Variants in ADAMTS3 observed in about 807,000 individuals in gnomAD.
ADAMTS3 encodes the protein ADAM metallopeptidase with thrombospondin type 1 motif 3.
A neutral mutation model predicts 129.0 loss-of-function variants in ADAMTS3; 73 were observed. The observed-to-expected ratio is 0.57, with a 90% confidence interval of 0.47 to 0.69. The LOEUF is 0.69. Ranked by LOEUF, ADAMTS3 falls within the 30% of genes least tolerant of loss-of-function variation. The pLI is 0.00. For missense variants in ADAMTS3, 1,457 were observed against 1,514.5 expected, an observed-to-expected ratio of 0.96 and a Z score of 0.63; for synonymous variants, 477 against 510.8, an observed-to-expected ratio of 0.93 and a Z score of 0.89.
chr4:72,480,422 C>A (rs372258840), intron 3 of ADAMTS3, among the ~76,000 whole-genome samples: 14 of 151,994 alleles, frequency 9.2e-5, no homozygotes, highest in South Asian at 2.1e-4. Context: ...GGAAATCATC[C>A]TTCTCAGTAA....
At chr4:72,356,780 T>C (rs1354942397) in intron 4 of ADAMTS3, among the ~76,000 whole-genome samples, 1 of 151,832 alleles carries the variant, frequency 6.6e-6, no homozygotes, top group Non-Finnish European at 1.5e-5. Flanking sequence ...TAAAATAGTT[T>C]CTATGTTTAT....
intron 13 of ADAMTS3, chr4:72,311,993 T>A (rs1277573065): frequency 6.4e-6 from 2 of 312,908 alleles, no homozygotes; most frequent in African/African-American, 4.2e-5. Flanking sequence ...TATTTCCTAG[T>A]AGAGGGATTT....
At chr4:72,472,400 A>G (rs1219545854) in intron 3 of ADAMTS3, among the ~76,000 whole-genome samples, 1 of 152,204 alleles carries the variant, frequency 6.6e-6, no homozygotes, top group Non-Finnish European at 1.5e-5. Flanking sequence ...AATTCACTGT[A>G]GGTTTATACA....
chr4:72,302,279 A>C (rs1718970043), intron 17 of ADAMTS3, among the ~76,000 whole-genome samples: 1 of 139,854 alleles, frequency 7.2e-6, no homozygotes, highest in Non-Finnish European at 1.5e-5. Flanking sequence ...GAACATTATG[A>C]AAAATTCAGC....
At chr4:72,528,126 A>G (rs1341148787) in intron 3 of ADAMTS3, among the ~76,000 whole-genome samples, 1 of 152,174 alleles carries the variant, frequency 6.6e-6, no homozygotes, top group Non-Finnish European at 1.5e-5. Context: ...CACTGACTGA[A>G]AAGTCAGTAC....
At chr4:72,500,500 A>G (rs1282389157) in intron 3 of ADAMTS3, among the ~76,000 whole-genome samples, 1 of 152,080 alleles carries the variant, frequency 6.6e-6, no homozygotes, top group Non-Finnish European at 1.5e-5. Flanking sequence ...TTCCCTATAG[A>G]TTCTGGATAT....
rs1227571807 is a variant in ADAMTS3 at position 72,319,778 on chromosome 4, G to A, written c.1208+80C>T. 42 of 1,183,124 alleles carry A rather than the reference G, an allele frequency of 3.5e-5. No individual in the cohort carries two copies. In the Admixed American group the frequency reaches 7.8e-4, roughly 22 times the overall value. The allele number at this position is 1,183,124 out of a possible 1,614,324, so 73.3% of individuals were successfully genotyped here. ...AGAATTGTATGCTGGCATGCATTCTGCCCAAAGAGGAAACAATACTGGGAG... is the reference window on the plus strand; with the variant it reads ...AGAATTGTATGCTGGCATGCATTCTACCCAAAGAGGAAACAATACTGGGAG... On this transcript the variant is annotated intron_variant, in intron 8 of 21. Transcript: ENST00000286657.
At chr4:72,437,169 C>T (rs972913309) in intron 3 of ADAMTS3, among the ~76,000 whole-genome samples, 6 of 151,710 alleles carry the variant, frequency 4.0e-5, no homozygotes, top group Admixed American at 2.0e-4. Context: ...AAACTTCACA[C>T]AAAAAATTAC....
chr4:72,450,618 T>C (rs1001123740), intron 3 of ADAMTS3, among the ~76,000 whole-genome samples: 2 of 151,710 alleles, frequency 1.3e-5, no homozygotes, highest in Admixed American at 6.6e-5. Context: ...AACATAAGAA[T>C]TGTCATGATT....
In ADAMTS3 at chr4:72,414,713, T is replaced by C. The variant is rs370531071; in HGVS notation, c.661+102A>G. Reference sequence around the variant, plus strand: ...AACTTCTTTTTCTATCTCCGCGTTATACAAGAGAACATGGCAATCACATTC... The same window carrying C: ...AACTTCTTTTTCTATCTCCGCGTTACACAAGAGAACATGGCAATCACATTC... On this transcript the variant is annotated intron_variant, in intron 4 of 21. Coordinates refer to ENST00000286657, the MANE Select transcript of ADAMTS3 (RefSeq NM_014243.3). 134 of 930,794 alleles carry C rather than the reference T, an allele frequency of 1.4e-4. 1 individual carries two copies. The highest frequency in any genetic ancestry group is 1.2e-3 in the South Asian group (31 of 26,168). 57.7% of individuals were successfully genotyped at this position (930,794 alleles called of 1,614,324 possible). A position where few individuals can be genotyped will look rare whatever the true frequency, so the allele number is the denominator to read the frequency against.
chr4:72,328,926 G>C (rs942974011), intron 5 of ADAMTS3, among the ~76,000 whole-genome samples: 1 of 152,154 alleles, frequency 6.6e-6, no homozygotes, highest in African/African-American at 2.4e-5. Flanking sequence ...ACTCATACCT[G>C]CTTGTATTCT....
chr4:72,412,641 G>T (rs1722210472), intron 4 of ADAMTS3, among the ~76,000 whole-genome samples: 1 of 152,000 alleles, frequency 6.6e-6, no homozygotes, highest in African/African-American at 2.4e-5. Context: ...TCATAAATAA[G>T]AAGGTGAAGA....
intron 16 of ADAMTS3, among the ~76,000 whole-genome samples, chr4:72,305,571 T>C (rs1719062027): frequency 6.6e-6 from 1 of 151,908 alleles, no homozygotes; most frequent in South Asian, 2.1e-4. Context: ...TTCCCTCATA[T>C]AGTTAGGAAC....
chr4:72,535,966 C>T (rs530330048), intron 3 of ADAMTS3, among the ~76,000 whole-genome samples: 9 of 152,214 alleles, frequency 5.9e-5, no homozygotes, highest in Admixed American at 2.0e-4. Flanking sequence ...TTGTGACTTA[C>T]GCCAGGTTAA....
intron 3 of ADAMTS3, among the ~76,000 whole-genome samples, chr4:72,470,606 CT>C (rs773072564): frequency 6.6e-6 from 1 of 151,868 alleles, no homozygotes; most frequent in Non-Finnish European, 1.5e-5. Flanking sequence ...GACCCATTCT[CT>C]TAAAGGGGCT....
At chr4:72,376,508 T>C (rs1393898206) in intron 4 of ADAMTS3, among the ~76,000 whole-genome samples, 1 of 152,152 alleles carries the variant, frequency 6.6e-6, no homozygotes, top group Non-Finnish European at 1.5e-5. Flanking sequence ...GCACTGAAGA[T>C]CTGAATCACT....
chr4:72,310,797 CAG>C (rs777519515), intron 14 of ADAMTS3, among the ~76,000 whole-genome samples: 80 of 152,184 alleles, frequency 5.3e-4, no homozygotes, highest in Non-Finnish European at 9.7e-4. Context: ...CTAGAGGCCT[CAG>C]AGTTACTCAG....
At chr4:72,420,981 A>G (rs1318531619) in intron 3 of ADAMTS3, among the ~76,000 whole-genome samples, 1 of 152,242 alleles carries the variant, frequency 6.6e-6, no homozygotes, top group Non-Finnish European at 1.5e-5. Context: ...ACATCTTCTC[A>G]GGGGCAATAG....
chr4:72,456,981 C>A (rs1424527960), intron 3 of ADAMTS3, among the ~76,000 whole-genome samples: 1 of 151,650 alleles, frequency 6.6e-6, no homozygotes, highest in Non-Finnish European at 1.5e-5. Flanking sequence ...TTGTAGAAAT[C>A]ATCATGGAAG....
Sources: allele counts gnomAD v4.1 joint callset (sites outside exome capture counted in the v4.1 genomes callset), GRCh38; gene constraint gnomAD v4.1.1; transcripts MANE v1.5; gene names NCBI Gene and HGNC (gene_info 2026-07-23, HGNC 2026-07-21).